The following TRPM3 variants were observed in gnomAD, a reference collection of about 807,000 sequenced individuals.
The protein encoded by TRPM3 is transient receptor potential cation channel subfamily M member 3.
TRPM3 carries 77 observed loss-of-function variants against 181.2 expected under a neutral mutation model. The observed-to-expected ratio is 0.42, with a 90% CI of 0.35 to 0.51. The LOEUF is 0.51. Among genes scored for constraint, TRPM3 ranks in the 20% least tolerant of loss-of-function variants. The pLI, the probability that TRPM3 is intolerant of heterozygous loss-of-function variation, is 0.01. For missense variants in TRPM3, 1,759 were observed against 2,196.7 expected (o/e 0.80, Z 3.98); for synonymous variants, 745 against 796.4 (o/e 0.94, Z 1.09).
chr9:70,926,153 C>A (rs1004233806), intron 1 of TRPM3, among the ~76,000 whole-genome samples: 12 of 152,036 alleles, frequency 7.9e-5, no homozygotes, highest in Non-Finnish European at 1.8e-4. Context: ...ATCACACTGG[C>A]AAGGAGAGGA....
At chr9:70,609,912 A>C (rs1175811672) in intron 19 of TRPM3, among the ~76,000 whole-genome samples, 1 of 152,218 alleles carries the variant, frequency 6.6e-6, no homozygotes, top group Non-Finnish European at 1.5e-5. Flanking sequence ...CATCTTAAAA[A>C]AAAAAAAAAT....
chr9:71,257,257 T>C (rs879749832), intron 1 of TRPM3, among the ~76,000 whole-genome samples: 1 of 152,230 alleles, frequency 6.6e-6, no homozygotes, highest in Admixed American at 6.5e-5. Context: ...GGATGGGCTC[T>C]TAGATAAAGG....
intron 22 of TRPM3, among the ~76,000 whole-genome samples, chr9:70,573,922 G>A: frequency 6.6e-6 from 1 of 150,762 alleles, no homozygotes; most frequent in Non-Finnish European, 1.5e-5. Flanking sequence ...AAAGGGTTCT[G>A]GTAACCCTTG....
chr9:71,182,290 A>G (rs2077450257), intron 1 of TRPM3, among the ~76,000 whole-genome samples: 1 of 152,142 alleles, frequency 6.6e-6, no homozygotes, highest in Admixed American at 6.6e-5. Flanking sequence ...TTAATCCACC[A>G]GCCCACATAT....
At chr9:71,147,424 GACACACACACAC>G (rs34795244) in intron 1 of TRPM3, among the ~76,000 whole-genome samples, 1 of 144,928 alleles carries the variant, frequency 6.9e-6, no homozygotes, top group African/African-American at 2.6e-5. Flanking sequence ...GCAACACACA[GACACACACACAC>G]ACACACACAC....
intron 25 of TRPM3, among the ~76,000 whole-genome samples, chr9:70,541,112 G>A (rs986902937): frequency 6.6e-6 from 1 of 152,174 alleles, no homozygotes; most frequent in Non-Finnish European, 1.5e-5. Context: ...GAGATGAGAG[G>A]AAAGCAGAGA....
intron 1 of TRPM3, among the ~76,000 whole-genome samples, chr9:71,328,337 GT>G (rs1176505497): frequency 2.0e-5 from 3 of 151,976 alleles, no homozygotes; most frequent in African/African-American, 4.8e-5. Context: ...CTAATTTTTT[GT>G]ATTTTTTTTA....
chr9:71,425,743 T>C (rs1316263861), intron 1 of TRPM3, among the ~76,000 whole-genome samples: 1 of 152,206 alleles, frequency 6.6e-6, no homozygotes. Context: ...GTTCCCATCA[T>C]GCATAGAATA....
intron 1 of TRPM3, among the ~76,000 whole-genome samples, chr9:71,183,409 C>A (rs2077510757): frequency 6.6e-6 from 1 of 152,128 alleles, no homozygotes; most frequent in South Asian, 2.1e-4. Context: ...CATTTCTCCT[C>A]TAGCCATCCA....
Position 70,761,680 on chromosome 9 carries a change from T to C in TRPM3, c.1193A>G (p.Gln398Arg), listed in dbSNP as rs2078174367. 2.5e-6 allele frequency: 4 copies of C among 1,613,820 alleles called. No individual in the cohort carries two copies. The highest frequency in any genetic ancestry group is 2.5e-6 in the Non-Finnish European group (3 of 1,179,818). The change falls in exon 8 of 26, where the codon CAG (glutamine) becomes CGG (arginine). Residue 398 changes from glutamine (Q) to arginine (R), a missense_variant. Gln to Arg is a conservative substitution (Grantham distance 43, BLOSUM62 1). This residue lies in a region of TRPM3 where 737 missense variants were observed against 957.4 expected (regional missense o/e 0.77). Transcript: ENST00000677713. ...GGTTCGAGTGTATGTGAAAGTCTTC[T>C]GTATAGTCACCAACAGCTGGTCCCT... The part of the protein sequence containing the change: ...SLRDQLLVTI[Q>R]KTFTYTRTQA...
In TRPM3 at chr9:71,363,951, T is replaced by C. The variant is rs17056740; in HGVS notation, c.183+82702A>G. Among the ~76,000 whole-genome samples the C allele has an allele frequency of 9.2e-3, 1,397 of 152,234 alleles. 16 individuals are homozygous for C. The highest frequency in any genetic ancestry group is 0.031 in the African/African-American group (1,287 of 41,524). On this transcript the variant is annotated intron_variant, in intron 1 of 24. Coordinates refer to the TRPM3 transcript ENST00000357533. ...GGCCCAGCACATAAATGTACAAAAA[T>C]CGTTACAAAATACATGGATTAAATG... is the stretch of plus-strand genomic sequence containing the variant.
At chr9:70,559,300 C>T (rs1345928386) in intron 22 of TRPM3, among the ~76,000 whole-genome samples, 2 of 152,188 alleles carry the variant, frequency 1.3e-5, no homozygotes, top group Non-Finnish European at 2.9e-5. Flanking sequence ...GTTACAGCTC[C>T]TCTATTTCAC....
intron 1 of TRPM3, among the ~76,000 whole-genome samples, chr9:71,420,966 G>GGAGAGAAAAAGGGAGAGAAAAA (rs1563912300): frequency 1.3e-4 from 5 of 39,466 alleles, no homozygotes; most frequent in Non-Finnish European, 5.0e-5. Flanking sequence ...AGAGAAAAAG[G>GGAGAGAAAAAGGGAGAGAAAAA]GAGAGAAAAA....
At chr9:71,038,784 C>T (rs1026153094) in intron 1 of TRPM3, among the ~76,000 whole-genome samples, 1 of 152,072 alleles carries the variant, frequency 6.6e-6, no homozygotes, top group Non-Finnish European at 1.5e-5. Flanking sequence ...ATATTTATAA[C>T]TGAGATCTGA....
intron 1 of TRPM3, among the ~76,000 whole-genome samples, chr9:71,296,225 TTGAAA>T (rs1214876710): frequency 6.6e-6 from 1 of 152,108 alleles, no homozygotes; most frequent in African/African-American, 2.4e-5. Context: ...TAAATATACA[TTGAAA>T]TGAAAATAAG....
rs182504620 is a variant in TRPM3, at chr9:70,865,886, C to T, written c.178-1375G>A. Among the ~76,000 whole-genome samples, 8 of 152,192 alleles carry T rather than the reference C, an allele frequency of 5.3e-5. No homozygotes were observed. In the South Asian group the frequency reaches 1.5e-3, roughly 28 times the overall value. ...TTGTCCACATGAAAAGAGCACCCACCGTGCCTCAGAGACCCTCAGGTCCAG... is the reference window on the plus strand; with the variant it reads ...TTGTCCACATGAAAAGAGCACCCACTGTGCCTCAGAGACCCTCAGGTCCAG... On this transcript the variant is annotated intron_variant, in intron 1 of 25. Transcript: ENST00000677713.
upstream of TRPM3, among the ~76,000 whole-genome samples, chr9:71,126,352 T>C (rs1292505337): frequency 1.3e-5 from 2 of 152,178 alleles, no homozygotes; most frequent in Non-Finnish European, 2.9e-5. Context: ...CCACTATTTT[T>C]TTCAAAAAAT....
intron 1 of TRPM3, among the ~76,000 whole-genome samples, chr9:70,934,693 AC>A (rs772282354): frequency 6.6e-6 from 1 of 152,200 alleles, no homozygotes; most frequent in Non-Finnish European, 1.5e-5. Flanking sequence ...TGGCAAAAAA[AC>A]ATGTATAACT....
chr9:71,082,316 AAGTT>A (rs2064494006), intron 1 of TRPM3, among the ~76,000 whole-genome samples: 2 of 152,174 alleles, frequency 1.3e-5, no homozygotes, highest in Admixed American at 1.3e-4. Context: ...TTGAAAATAA[AAGTT>A]AGGAAACACT....
Sources: allele counts gnomAD v4.1 joint callset (sites outside exome capture counted in the v4.1 genomes callset), GRCh38; gene constraint gnomAD v4.1.1; regional missense constraint gnomAD v4.1.1; transcripts MANE v1.5; gene names NCBI Gene and HGNC (gene_info 2026-07-23, HGNC 2026-07-21).